Variants in PKD1L3 observed in about 807,000 individuals in gnomAD.
PKD1L3 encodes the protein polycystin-1-like protein 3.
In PKD1L3, 239 loss-of-function variants were observed where a neutral mutation model predicts 184.1. The observed-to-expected ratio is 1.30, with a 90% CI of 1.17 to 1.45. The LOEUF (loss-of-function observed/expected upper bound fraction) is 1.45, where lower values mean the gene tolerates loss of function less well. PKD1L3 is among the 40% of genes most tolerant of loss of function. The probability of loss-of-function intolerance (pLI) is 0.00; values close to 1 mark genes in which losing one functional copy is unlikely to be tolerated. For synonymous variants in PKD1L3, 996 were observed against 778.8 expected (o/e 1.28, Z -4.64); for missense variants, 2,660 against 2,067.2 (o/e 1.29, Z -5.56).
intron 25 of PKD1L3, 99 bp downstream of exon 25, chr16:71,937,193 C>A: frequency 1.6e-6 from 2 of 1,241,866 alleles, no homozygotes; most frequent in Non-Finnish European, 2.2e-6. Context: ...GTAGCTGGGA[C>A]CACAGGTGCA....
In PKD1L3 at chr16:71,935,448, A is replaced by G. The variant is rs755049089; in HGVS notation, c.4523T>C (p.Ile1508Thr). The G allele has an allele frequency of 6.4e-7, 1 of 1,552,094 alleles. No individual in the cohort carries two copies. The highest frequency in any genetic ancestry group is 8.7e-7 in the Non-Finnish European group (1 of 1,147,040). Residue 1508 changes from isoleucine (I) to threonine (T), a missense_variant, in exon 26 of 30, where the codon ATC (isoleucine) becomes ACC (threonine). Coordinates refer to ENST00000620267, the MANE Select transcript of PKD1L3 (RefSeq NM_181536.2). ...GKRNILDTSI[I>T]LISFILLGLD... The stretch of plus-strand genomic sequence containing the variant: ...CCCCAGGAGGATGAAGCTAATGAGG[A>G]TTATACTTGTGTCCAGAATGTTTCT...
intron 28 of PKD1L3, among the ~76,000 whole-genome samples, chr16:71,932,984 GTCTC>G (rs1274695139): frequency 1.3e-5 from 2 of 151,262 alleles, no homozygotes; most frequent in Non-Finnish European, 3.0e-5. Context: ...TAGAGACAAA[GTCTC>G]TATGTTGCCC....
chr16:71,946,750 A>G (rs2038617312), intron 22 of PKD1L3, among the ~76,000 whole-genome samples: 3 of 71,752 alleles, frequency 4.2e-5, no homozygotes, highest in Admixed American at 1.6e-4. Flanking sequence ...AATTTGACAT[A>G]CTTGGAGGCA....
intron 12 of PKD1L3, among the ~76,000 whole-genome samples, chr16:71,970,502 T>C (rs2039670880): frequency 6.6e-6 from 1 of 152,308 alleles, no homozygotes; most frequent in South Asian, 2.1e-4. Flanking sequence ...TTGAATTCTA[T>C]ACAGCAGTTA....
intron 16 of PKD1L3, among the ~76,000 whole-genome samples, chr16:71,955,112 C>T (rs570380420): frequency 1.4e-4 from 22 of 152,274 alleles, no homozygotes; most frequent in African/African-American, 4.3e-4. Context: ...ATCTGCAATA[C>T]TCCTAGTTCC....
intron 11 of PKD1L3, among the ~76,000 whole-genome samples, chr16:71,975,500 A>T (rs1159700518): frequency 1.3e-5 from 2 of 152,184 alleles, no homozygotes; most frequent in Non-Finnish European, 2.9e-5. Flanking sequence ...ATAAAGTTGA[A>T]ATACATAGGA....
At chr16:71,957,048 G>A (rs929658704) in intron 16 of PKD1L3, among the ~76,000 whole-genome samples, 2 of 152,164 alleles carry the variant, frequency 1.3e-5, no homozygotes, top group Non-Finnish European at 2.9e-5. Context: ...AAATTAAGTT[G>A]ATAGTAATCC....
At chr16:71,934,229 G>A in intron 26 of PKD1L3, 104 bp from the exon 27 acceptor site, 3 of 1,047,640 alleles carry the variant, frequency 2.9e-6, no homozygotes, top group Non-Finnish European at 4.2e-6. Context: ...AGTCCTGTGA[G>A]GTCAAATGCT....
chr16:71,938,898 G>A (rs544772018), intron 24 of PKD1L3, among the ~76,000 whole-genome samples: 7 of 152,328 alleles, frequency 4.6e-5, no homozygotes, highest in African/African-American at 1.4e-4. Flanking sequence ...CTCGGGACCC[G>A]CTGAGTGGTG....
chr16:71,978,239 A>G lies in PKD1L3; in HGVS notation c.1527+16T>C, dbSNP rs773258122. On this transcript the variant is annotated intron_variant, in intron 10 of 29. Coordinates refer to ENST00000620267, the MANE Select transcript of PKD1L3 (RefSeq NM_181536.2). ...CCCATTCTCTTCTATTTTATTCCCT[A>G]AGAATCAGTTCCTACCTCAATGTCC... The G allele has an allele frequency of 1.9e-6, 3 of 1,545,352 alleles. No individual in the cohort carries two copies. The highest frequency in any genetic ancestry group is 2.6e-6 in the Non-Finnish European group (3 of 1,142,486).
chr16:71,970,162 G>A (rs1483848604), intron 12 of PKD1L3, 57 bp from the exon 13 acceptor site: 2 of 1,356,900 alleles, frequency 1.5e-6, no homozygotes, highest in East Asian at 2.5e-5. Context: ...GGAGGGGACA[G>A]ACATAAAACA....
Position 71,977,216 on chromosome 16 carries a change from G to A in PKD1L3, c.1759+20C>T, listed in dbSNP as rs2143695561. On this transcript the variant is annotated intron_variant, in intron 11 of 29. Transcript: ENST00000620267. ...CAAAAAGAAATCAAAGTAAGTTTCT[G>A]ACAGCTGATTGGGTTTTACCTTTTT... The A allele has an allele frequency of 1.4e-6, 2 of 1,473,974 alleles. No homozygotes were observed. The highest frequency in any genetic ancestry group is 1.9e-6 in the Non-Finnish European group (2 of 1,076,620). 91.3% of individuals were successfully genotyped at this position (1,473,974 alleles called of 1,614,324 possible). A position where few individuals can be genotyped will look rare whatever the true frequency, so the allele number is the denominator to read the frequency against.
At chr16:71,959,067 G>A (rs1455873955) in intron 16 of PKD1L3, among the ~76,000 whole-genome samples, 1 of 131,218 alleles carries the variant, frequency 7.6e-6, no homozygotes, top group Non-Finnish European at 1.6e-5. Context: ...CTGGATGACA[G>A]AGCAAGACTC....
chr16:71,936,519 C>CT (rs397785025), intron 25 of PKD1L3, among the ~76,000 whole-genome samples: 1,285 of 123,480 alleles, frequency 0.01, 21 homozygotes, highest in African/African-American at 0.025. Flanking sequence ...TTTTTTTTTT[C>CT]TTTTTTTTTT....
rs773949453 is a variant in PKD1L3, at chr16:71,949,843, G to C, written c.3558C>G (p.Ser1186Arg). ...CTGATAAAATAATTGAAATCATCCA[G>C]CTGGTGGCTTGGTCTTTGCTCAATT... ...SLELSKDQAT[S>R]WMISIILSVL... The change falls in exon 21 of 30, where the codon AGC becomes AGG. Residue 1186 changes from serine (S) to arginine (R), a missense_variant. Transcript: ENST00000620267. The C allele has an allele frequency of 3.2e-6, 5 of 1,551,440 alleles. No individual in the cohort carries two copies. Among genetic ancestry groups the C allele is most frequent in the Non-Finnish European group, 4.4e-6 (5 of 1,147,008 alleles).
Position 71,967,989 on chromosome 16 carries a change from C to G in PKD1L3, c.2203G>C (p.Ala735Pro), listed in dbSNP as rs1567524702. The G allele has an allele frequency of 1.9e-6, 3 of 1,551,336 alleles. No homozygotes were observed. Among genetic ancestry groups the G allele is most frequent in the Non-Finnish European group, 2.6e-6 (3 of 1,146,738 alleles). ...AATTGAGCGCTGGGGTCATTATCAGCCAGGACAGTGACCTTCACCTGCAAG... is the reference window on the plus strand; with the variant it reads ...AATTGAGCGCTGGGGTCATTATCAGGCAGGACAGTGACCTTCACCTGCAAG... ...DMQKVKVTVL[A>P]DNDPSAQFHY... The change falls in exon 14 of 30, where the codon GCT becomes CCT. Residue 735 changes from alanine to proline, a missense_variant. Coordinates refer to ENST00000620267, the MANE Select transcript of PKD1L3 (RefSeq NM_181536.2).
intron 16 of PKD1L3, among the ~76,000 whole-genome samples, chr16:71,961,356 C>T (rs371108788): frequency 6.6e-6 from 1 of 152,090 alleles, no homozygotes; most frequent in East Asian, 1.9e-4. Flanking sequence ...CTCCTGACTT[C>T]AGGTGATCTG....
At chr16:71,967,383 G>C in intron 14 of PKD1L3, 68 bp from the exon 15 acceptor site, 1 of 1,410,548 alleles carries the variant, frequency 7.1e-7, no homozygotes, top group African/African-American at 1.4e-5. Context: ...TATCCCTAAG[G>C]AGAAAGACGA....
At chr16:71,931,877 T>C (rs911698233) in intron 28 of PKD1L3, among the ~76,000 whole-genome samples, 1 of 152,176 alleles carries the variant, frequency 6.6e-6, no homozygotes, top group Non-Finnish European at 1.5e-5. Flanking sequence ...AACTGCTACG[T>C]AAAATAGTTG....
Sources: allele counts gnomAD v4.1 joint callset (sites outside exome capture counted in the v4.1 genomes callset), GRCh38; gene constraint gnomAD v4.1.1; transcripts MANE v1.5; gene names NCBI Gene and HGNC (gene_info 2026-07-23, HGNC 2026-07-21).